The following AR variants were observed in gnomAD, a reference collection of about 807,000 sequenced individuals.
The protein encoded by AR is dihydrotestosterone receptor.
A neutral mutation model predicts 53.9 loss-of-function variants in AR; 8 were observed. The observed-to-expected ratio is 0.15, with a 90% CI of 0.09 to 0.27. The LOEUF is 0.27. Among genes scored for constraint, AR ranks in the 10% least tolerant of loss-of-function variants. The pLI, the probability that AR is intolerant of heterozygous loss-of-function variation, is 1.00. For synonymous variants in AR, 359 were observed against 316.4 expected, an observed-to-expected ratio of 1.13 and a Z score of -1.43; for missense variants, 639 against 742.5, an observed-to-expected ratio of 0.86 and a Z score of 1.62.
rs781758747 is a variant in AR at position 67,709,379 on chromosome X, C to T, written c.1886-2023C>T. Among the ~76,000 whole-genome samples, 194 of 112,057 alleles carry T rather than the reference C, an allele frequency of 1.7e-3. 1 individual carries two copies. The highest frequency in any genetic ancestry group is 2.7e-3 in the Non-Finnish European group (145 of 53,147). ...CCAGCCTCACTGCTGCCTTGCAGTT[C>T]GATTTCAGACTGCTCTGCTAGCAGT... is the stretch of plus-strand genomic sequence containing the variant. On this transcript the variant is annotated intron_variant, in intron 3 of 7. Coordinates refer to ENST00000374690, the MANE Select transcript of AR (RefSeq NM_000044.6).
chrX:67,680,957 G>C, intron 2 of AR: 1 of 237,319 alleles, frequency 4.2e-6, no homozygotes, highest in Admixed American at 5.4e-5. Flanking sequence ...TTCAGAGCCA[G>C]CTGGCATGCA....
chrX:67,624,904 CAAAAAAAAAAAAAAAA>C (rs140323582), intron 1 of AR, among the ~76,000 whole-genome samples: 4 of 18,181 alleles, frequency 2.2e-4, no homozygotes, highest in Non-Finnish European at 3.1e-4. Flanking sequence ...GGCAATTAGG[CAAAAAAAAAAAAAAAA>C]AAAAAAAAAA....
At chrX:67,673,893 G>A (rs2075882600) in intron 2 of AR, among the ~76,000 whole-genome samples, 2 of 111,006 alleles carry the variant, frequency 1.8e-5, no homozygotes, top group Admixed American at 9.6e-5. Context: ...GATGTTTATT[G>A]TAGTCTTCAC....
chrX:67,650,901 A>G (rs1008159479), intron 2 of AR, among the ~76,000 whole-genome samples: 5 of 112,098 alleles, frequency 4.5e-5, no homozygotes, highest in Non-Finnish European at 7.5e-5. Flanking sequence ...CCTCATAAGA[A>G]CAGGCCTGGT....
chrX:67,602,197 A>T (rs1923402359), intron 1 of AR, among the ~76,000 whole-genome samples: 2 of 112,167 alleles, frequency 1.8e-5, no homozygotes, highest in Non-Finnish European at 3.8e-5. Context: ...AAACTAAGCT[A>T]TCTCTACTCA....
intron 4 of AR, among the ~76,000 whole-genome samples, chrX:67,716,895 G>A (rs1331582224): frequency 8.9e-6 from 1 of 111,899 alleles, no homozygotes; most frequent in Non-Finnish European, 1.9e-5. Context: ...CACAGACCTT[G>A]GAATCTGACT....
At chrX:67,699,171 A>G (rs182859768) in intron 3 of AR, among the ~76,000 whole-genome samples, 2 of 112,530 alleles carry the variant, frequency 1.8e-5, no homozygotes, top group South Asian at 3.7e-4. Flanking sequence ...TCAAACATTT[A>G]TCAGCTCACT....
Position 67,713,308 on chromosome X carries a change from G to C in AR, c.2173+1619G>C, listed in dbSNP as rs141542734. 7.0e-3 allele frequency among the ~76,000 whole-genome samples: 775 copies of C among 110,838 alleles called. 6 individuals carry two copies. Among genetic ancestry groups the C allele is most frequent in the African/African-American group, 0.024 (741 of 30,453 alleles). ...AGGTCGACTAGCCAATAAGAACACT[G>C]GGAAGGAAACCCAAGGACTCTGACT... On this transcript the variant is annotated intron_variant, in intron 4 of 7. Transcript: ENST00000374690.
rs1363782162 is a variant in AR, at chrX:67,546,155, G to A, written c.1009G>A (p.Gly337Arg). The change falls in exon 1 of 8, where the codon GGG becomes AGG. Residue 337 changes from glycine (G) to arginine (R), a missense_variant. By Grantham distance (125) the Gly-to-Arg change is moderately radical (BLOSUM62 -2). This residue lies in a region of AR where 423 missense variants were observed against 377.0 expected (regional missense o/e 1.12). Coordinates refer to ENST00000374690, the MANE Select transcript of AR (RefSeq NM_000044.6). The part of the protein sequence containing the change: ...CSGSAAAGSS[G>R]TLELPSTLSL... ...TGGCAGCGCTGCAGCAGGGAGCTCCGGGACACTTGAACTGCCGTCTACCCT... is the reference window on the plus strand; with the variant it reads ...TGGCAGCGCTGCAGCAGGGAGCTCCAGGACACTTGAACTGCCGTCTACCCT... 8.3e-7 allele frequency: 1 copy of A among 1,212,094 alleles called. No individual in the cohort carries two copies. The highest frequency in any genetic ancestry group is 1.1e-6 in the Non-Finnish European group (1 of 895,547).
intron 3 of AR, among the ~76,000 whole-genome samples, chrX:67,706,036 G>A (rs919131016): frequency 1.8e-5 from 2 of 111,789 alleles, no homozygotes; most frequent in South Asian, 3.7e-4. Flanking sequence ...TGTGCTGCTG[G>A]ATTCAGTTTG....
intron 1 of AR, among the ~76,000 whole-genome samples, chrX:67,631,284 A>G (rs1925089078): frequency 9.0e-6 from 1 of 111,535 alleles, no homozygotes; most frequent in African/African-American, 3.3e-5. Flanking sequence ...CACCAATCAG[A>G]CATAGATTTG....
chrX:67,719,457 A>C (rs947754184), intron 5 of AR, among the ~76,000 whole-genome samples: 1 of 110,658 alleles, frequency 9.0e-6, no homozygotes, highest in Non-Finnish European at 1.9e-5. Flanking sequence ...GTGGCATCCC[A>C]CCTCGGCTTC....
At chrX:67,722,526 C>A (rs1201211037) in intron 6 of AR, among the ~76,000 whole-genome samples, 1 of 112,090 alleles carries the variant, frequency 8.9e-6, no homozygotes, top group Non-Finnish European at 1.9e-5. Context: ...CAGGGTTTTA[C>A]TGTGAATGAC....
At chrX:67,562,030 C>A (rs1443834210) in intron 1 of AR, among the ~76,000 whole-genome samples, 1 of 103,258 alleles carries the variant, frequency 9.7e-6, no homozygotes, top group Non-Finnish European at 2.0e-5. Context: ...AACCTCGCCT[C>A]CCGGGTTCAA....
At chrX:67,603,604 A>G (rs1006063671) in intron 1 of AR, among the ~76,000 whole-genome samples, 6 of 112,130 alleles carry the variant, frequency 5.4e-5, no homozygotes, top group African/African-American at 1.6e-4. Flanking sequence ...TAAGATGCAT[A>G]AAAATAAGTG....
chrX:67,635,763 C>T (rs550026162), intron 1 of AR, among the ~76,000 whole-genome samples: 2 of 111,077 alleles, frequency 1.8e-5, no homozygotes, highest in South Asian at 7.6e-4. Flanking sequence ...AGAAACCTTC[C>T]GTTCTATGGG....
chrX:67,668,512 C>T (rs1457244195), intron 2 of AR, among the ~76,000 whole-genome samples: 1 of 108,225 alleles, frequency 9.2e-6, no homozygotes, highest in African/African-American at 3.6e-5. Context: ...GGGATATTGG[C>T]CTATAGTTTT....
chrX:67,680,392 T>C (rs1185573006), intron 2 of AR, among the ~76,000 whole-genome samples: 2 of 112,396 alleles, frequency 1.8e-5, no homozygotes, highest in Admixed American at 1.9e-4. Flanking sequence ...GATTATTTTG[T>C]CAAGATTTTG....
chrX:67,599,799 T>C (rs1427543039), intron 1 of AR, among the ~76,000 whole-genome samples: 1 of 112,553 alleles, frequency 8.9e-6, no homozygotes, highest in East Asian at 2.8e-4. Context: ...GATTTGTTTT[T>C]TATTTATTTT....
Sources: allele counts gnomAD v4.1 joint callset (sites outside exome capture counted in the v4.1 genomes callset), GRCh38; gene constraint gnomAD v4.1.1; regional missense constraint gnomAD v4.1.1; transcripts MANE v1.5; gene names NCBI Gene and HGNC (gene_info 2026-07-23, HGNC 2026-07-21).